PRIM2: variants seen among roughly 807,000 people sequenced by gnomAD.
PRIM2 encodes DNA primase subunit 2, also known as DNA primase large subunit.
A neutral mutation model predicts 67.3 loss-of-function variants in PRIM2; 39 were observed. The observed-to-expected ratio is 0.58, with a 90% CI of 0.45 to 0.76. The LOEUF is 0.76. PRIM2 is among the 30% of genes least tolerant of loss of function. PRIM2 has a pLI of 0.00. For synonymous variants in PRIM2, 143 were observed against 198.7 expected, an observed-to-expected ratio of 0.72 and a Z score of 2.36; for missense variants, 398 against 598.7, an observed-to-expected ratio of 0.66 and a Z score of 3.50.
chr6:57,364,885 G>A (rs564424563), intron 5 of PRIM2, among the ~76,000 whole-genome samples: 1 of 152,210 alleles, frequency 6.6e-6, no homozygotes, highest in East Asian at 1.9e-4. Context: ...ATGCTGTTAA[G>A]CTAATATTTT....
the PRIM2 span, chr6:57,222,430 G>C: frequency 1.3e-5 from 2 of 152,350 alleles, no homozygotes; most frequent in Admixed American, 6.5e-5. Context: ...GGAGGGCAGT[G>C]GGGAGATCAG....
chr6:57,551,347 A>G (rs1775397554), intron 10 of PRIM2, among the ~76,000 whole-genome samples: 1 of 152,220 alleles, frequency 6.6e-6, no homozygotes, highest in African/African-American at 2.4e-5. Context: ...ACTGTTCTGT[A>G]TTGATAAGAA....
intron 5 of PRIM2, among the ~76,000 whole-genome samples, chr6:57,373,650 C>T (rs112424838): frequency 0.06 from 9,192 of 152,222 alleles, 372 homozygotes; most frequent in Admixed American, 0.099. Flanking sequence ...GGTCCAGTTT[C>T]GATTTTCTAT....
chr6:57,576,967 T>G (rs1775974240), intron 10 of PRIM2, among the ~76,000 whole-genome samples: 1 of 151,832 alleles, frequency 6.6e-6, no homozygotes, highest in Admixed American at 6.5e-5. Flanking sequence ...TGTATAGTTT[T>G]ATAAGACTTG....
chr6:57,277,293 C>T, the PRIM2 span, among the ~76,000 whole-genome samples: 26 of 152,300 alleles, frequency 1.7e-4, no homozygotes, highest in South Asian at 5.4e-3. Flanking sequence ...AACAAATCAG[C>T]CCAAAATCTG....
At chr6:57,496,813 T>G (rs1315141412) in intron 7 of PRIM2, among the ~76,000 whole-genome samples, 1 of 152,168 alleles carries the variant, frequency 6.6e-6, no homozygotes, top group Admixed American at 6.6e-5. Flanking sequence ...TTTAGAGTCT[T>G]TGCATAAAAT....
intron 12 of PRIM2, among the ~76,000 whole-genome samples, chr6:57,611,978 T>A (rs1180337178): frequency 6.6e-6 from 1 of 152,016 alleles, no homozygotes; most frequent in Non-Finnish European, 1.5e-5. Flanking sequence ...ATGGTAAATA[T>A]AAGCACATGA....
intron 8 of PRIM2, among the ~76,000 whole-genome samples, chr6:57,513,622 G>C (rs1301218771): frequency 6.6e-6 from 1 of 152,168 alleles, no homozygotes; most frequent in Non-Finnish European, 1.5e-5. Context: ...GGCTGGACGC[G>C]GTGGCTTACG....
the PRIM2 span, among the ~76,000 whole-genome samples, chr6:57,274,609 G>A: frequency 8.5e-5 from 13 of 152,298 alleles, no homozygotes; most frequent in African/African-American, 2.2e-4. Flanking sequence ...GCTTTGGCTC[G>A]TGCACGGTGC....
chr6:57,569,291 T>C (rs1249692209), intron 10 of PRIM2, among the ~76,000 whole-genome samples: 1 of 152,218 alleles, frequency 6.6e-6, no homozygotes, highest in Non-Finnish European at 1.5e-5. Context: ...GTTAATTTAC[T>C]TTAAAAAAAT....
intron 7 of PRIM2, among the ~76,000 whole-genome samples, chr6:57,456,827 G>C (rs1287125578): frequency 6.6e-6 from 1 of 152,132 alleles, no homozygotes; most frequent in African/African-American, 2.4e-5. Context: ...TCTGTTGCTG[G>C]TGAGGAGCTG....
At chr6:57,448,216 T>G (rs1480761177) in intron 7 of PRIM2, among the ~76,000 whole-genome samples, 4 of 152,234 alleles carry the variant, frequency 2.6e-5, no homozygotes. Flanking sequence ...TCAAAATAGA[T>G]TAATTTAAAA....
chr6:57,246,114 T>TTA, the PRIM2 span, among the ~76,000 whole-genome samples: 6 of 152,248 alleles, frequency 3.9e-5, no homozygotes, highest in African/African-American at 1.4e-4. Flanking sequence ...ATTACTATTT[T>TTA]ATTTTCTCTT....
intron 7 of PRIM2, among the ~76,000 whole-genome samples, chr6:57,461,173 G>C (rs4715699): frequency 2.2e-5 from 3 of 138,690 alleles, no homozygotes; most frequent in Non-Finnish European, 3.2e-5. Context: ...ATGGGCAGTC[G>C]TCTGGGCAGC....
At chr6:57,263,499 T>C in the PRIM2 span, among the ~76,000 whole-genome samples, 6 of 152,300 alleles carry the variant, frequency 3.9e-5, no homozygotes, top group Admixed American at 1.3e-4. Flanking sequence ...TGTGTGTCTT[T>C]GTTTCCACGT....
intron 7 of PRIM2, among the ~76,000 whole-genome samples, chr6:57,418,383 GT>G (rs34491627): frequency 0.037 from 1,735 of 47,184 alleles, 304 homozygotes; most frequent in African/African-American, 0.1. Context: ...TATGTGTGTG[GT>G]TTTTTTTTTT....
the PRIM2 span, among the ~76,000 whole-genome samples, chr6:57,282,696 A>G: frequency 2.6e-5 from 4 of 152,222 alleles, no homozygotes; most frequent in African/African-American, 9.6e-5. Flanking sequence ...CACAGTTGGA[A>G]GACCATGTGA....
rs1214730576 is a variant in PRIM2, at chr6:57,382,124, A to G, written c.649A>G (p.Ile217Val). 1 of 1,613,344 alleles carries G rather than the reference A, an allele frequency of 6.2e-7. No homozygotes were observed. ...AYVPLKDIVAIILNEFRAKLS... is the reference protein window; with the variant it reads ...AYVPLKDIVAVILNEFRAKLS... The stretch of plus-strand genomic sequence containing the variant: ...CGTACCACTTAAGGACATTGTGGCA[A>G]TCATCCTGAATGAATTTAGAGCCAA... The change falls in exon 7 of 14, where the codon ATC becomes GTC. Residue 217 changes from isoleucine (I) to valine (V), a missense_variant. This residue lies in a region of PRIM2 where 229 missense variants were observed against 383.6 expected (regional missense o/e 0.60). Coordinates refer to ENST00000615550, the MANE Select transcript of PRIM2 (RefSeq NM_000947.5).
At chr6:57,432,738 C>T (rs1771877335) in intron 7 of PRIM2, among the ~76,000 whole-genome samples, 1 of 152,128 alleles carries the variant, frequency 6.6e-6, no homozygotes, top group African/African-American at 2.4e-5. Context: ...AAAAAAATTC[C>T]TGTAGAACAT....
Sources: gnomAD v4.1 joint callset for allele counts (sites outside exome capture counted in the v4.1 genomes callset) on GRCh38, gnomAD v4.1.1 for gene constraint, gnomAD v4.1.1 regional missense constraint, MANE v1.5 for transcripts, NCBI Gene and HGNC (gene_info 2026-07-23, HGNC 2026-07-21) for gene names.